Variants in CDC42BPA observed in about 807,000 individuals in gnomAD.
CDC42BPA encodes the protein CDC42 binding protein kinase alpha.
In CDC42BPA, 80 loss-of-function variants were observed where a neutral mutation model predicts 223.5. The observed-to-expected ratio is 0.36, with a 90% confidence interval of 0.30 to 0.43. The LOEUF is 0.43. CDC42BPA is among the 20% of genes least tolerant of loss of function. The probability of loss-of-function intolerance (pLI) is 1.00; values close to 1 mark genes in which losing one functional copy is unlikely to be tolerated. For synonymous variants in CDC42BPA, 694 were observed against 718.6 expected (o/e 0.97, Z 0.55); for missense variants, 1,743 against 2,099.9 (o/e 0.83, Z 3.32).
chr1:227,101,326 CAT>C, intron 14 of CDC42BPA, 87 bp from the exon 15 acceptor site: 1 of 736,676 alleles, frequency 1.4e-6, no homozygotes, highest in Admixed American at 3.0e-5. Flanking sequence ...AATGAGTATT[CAT>C]ATAACTGCAT....
chr1:227,273,995 CAAAAAAAAAAAAA>C (rs10599884), intron 1 of CDC42BPA, among the ~76,000 whole-genome samples: 66 of 57,002 alleles, frequency 1.2e-3, no homozygotes, highest in Non-Finnish European at 1.5e-3. Context: ...TCGTATACAC[CAAAAAAAAAAAAA>C]AAAAAAAAAA....
At chr1:227,151,510 G>A (rs79046754) in intron 6 of CDC42BPA, among the ~76,000 whole-genome samples, 14,696 of 152,142 alleles carry the variant, frequency 0.097, 877 homozygotes, top group Middle Eastern at 0.17. Flanking sequence ...GAGGAACTCT[G>A]GATCACGTGG....
intron 21 of CDC42BPA, among the ~76,000 whole-genome samples, chr1:227,068,040 T>C (rs561347602): frequency 3.9e-5 from 6 of 152,090 alleles, no homozygotes; most frequent in Admixed American, 6.5e-5. Context: ...TTGATAGAAT[T>C]CAGGAGAGAA....
At chr1:227,119,693 A>G (rs1267166489) in intron 12 of CDC42BPA, 111 bp downstream of exon 12, 10 of 701,072 alleles carry the variant, frequency 1.4e-5, no homozygotes, top group Non-Finnish European at 1.6e-5. Flanking sequence ...ACTTTTAAGA[A>G]GATAAAATAT....
chr1:227,212,326 T>TA (rs1287054716), intron 3 of CDC42BPA, among the ~76,000 whole-genome samples: 1 of 152,166 alleles, frequency 6.6e-6, no homozygotes, highest in Non-Finnish European at 1.5e-5. Context: ...TACTGACAGA[T>TA]AAAGATTTCT....
At chr1:227,151,356 T>C (rs1661717520) in intron 6 of CDC42BPA, among the ~76,000 whole-genome samples, 1 of 152,262 alleles carries the variant, frequency 6.6e-6, no homozygotes, top group African/African-American at 2.4e-5. Context: ...AATTGATTGA[T>C]ATTCCATTGT....
At chr1:227,213,660 A>T (rs1674328529) in intron 2 of CDC42BPA, among the ~76,000 whole-genome samples, 1 of 152,264 alleles carries the variant, frequency 6.6e-6, no homozygotes, top group Non-Finnish European at 1.5e-5. Flanking sequence ...GCCAAAACAA[A>T]TATGTTTTGT....
chr1:227,025,623 T>C (rs1021245538), intron 31 of CDC42BPA, among the ~76,000 whole-genome samples: 3 of 152,208 alleles, frequency 2.0e-5, no homozygotes, highest in African/African-American at 7.2e-5. Flanking sequence ...TTTTCAATTA[T>C]GGACACTTAA....
chr1:227,034,483 T>C (rs1304767304), intron 26 of CDC42BPA, among the ~76,000 whole-genome samples, 172 bp downstream of exon 26: 1 of 152,218 alleles, frequency 6.6e-6, no homozygotes, highest in East Asian at 1.9e-4. Context: ...ACCTGTCCTA[T>C]AAATACACCT....
At chr1:227,202,261 C>T (rs992613539) in intron 3 of CDC42BPA, among the ~76,000 whole-genome samples, 3 of 152,262 alleles carry the variant, frequency 2.0e-5, no homozygotes, top group East Asian at 1.9e-4. Context: ...GGATTACAGG[C>T]GTGAGCCACC....
At chr1:227,030,089 T>C (rs1668984248) in intron 29 of CDC42BPA, among the ~76,000 whole-genome samples, 3 of 150,564 alleles carry the variant, frequency 2.0e-5, no homozygotes, top group Non-Finnish European at 2.9e-5. Context: ...GCCGAGTTCG[T>C]GCCACTGCAC....
intron 2 of CDC42BPA, among the ~76,000 whole-genome samples, chr1:227,236,242 A>G (rs930600084): frequency 1.3e-5 from 2 of 152,184 alleles, no homozygotes; most frequent in Admixed American, 1.3e-4. Flanking sequence ...ACTGACCTCT[A>G]ATCCCTTGGG....
intron 16 of CDC42BPA, among the ~76,000 whole-genome samples, chr1:227,090,414 T>C (rs1253284113): frequency 1.3e-5 from 2 of 152,174 alleles, no homozygotes; most frequent in African/African-American, 2.4e-5. Context: ...TTGAACATAA[T>C]ATTTTTATTG....
At chr1:227,126,464 A>G (rs915359641) in intron 11 of CDC42BPA, among the ~76,000 whole-genome samples, 2 of 130,554 alleles carry the variant, frequency 1.5e-5, no homozygotes, top group African/African-American at 5.9e-5. Context: ...GCAGTACAAG[A>G]AAGGAAGGAA....
At chr1:227,276,316 C>A (rs1288169399) in intron 1 of CDC42BPA, among the ~76,000 whole-genome samples, 1 of 147,836 alleles carries the variant, frequency 6.8e-6, no homozygotes, top group East Asian at 2.0e-4. Flanking sequence ...AGGTGAGGAG[C>A]GTGTCTGGGA....
intron 1 of CDC42BPA, among the ~76,000 whole-genome samples, chr1:227,306,907 A>C (rs748606350): frequency 1.2e-4 from 19 of 152,308 alleles, no homozygotes; most frequent in Non-Finnish European, 2.6e-4. Context: ...GGGGCATTGC[A>C]TTAGCCACTC....
chr1:226,999,590 C>T (rs1662351602), intron 35 of CDC42BPA, among the ~76,000 whole-genome samples: 1 of 152,112 alleles, frequency 6.6e-6, no homozygotes, highest in Non-Finnish European at 1.5e-5. Context: ...CCAGCAATCC[C>T]ATTATTGGGT....
intron 35 of CDC42BPA, among the ~76,000 whole-genome samples, chr1:226,998,191 A>C (rs1256360743): frequency 6.6e-6 from 1 of 152,244 alleles, no homozygotes; most frequent in Non-Finnish European, 1.5e-5. Flanking sequence ...GATAGGAAGA[A>C]TCAATATCAT....
chr1:227,169,235 A>G (rs1665683835), intron 5 of CDC42BPA, among the ~76,000 whole-genome samples: 1 of 152,178 alleles, frequency 6.6e-6, no homozygotes, highest in African/African-American at 2.4e-5. Flanking sequence ...CTAGTCTGCT[A>G]TTAATAATTT....
Sources: allele counts gnomAD v4.1 joint callset (sites outside exome capture counted in the v4.1 genomes callset), GRCh38; gene constraint gnomAD v4.1.1; transcripts MANE v1.5; gene names NCBI Gene and HGNC (gene_info 2026-07-23, HGNC 2026-07-21).